The following SCFD1 variants were observed in gnomAD, a reference collection of about 807,000 sequenced individuals.
SCFD1 encodes the protein sec1 family domain-containing protein 1.
A neutral mutation model predicts 103.2 loss-of-function variants in SCFD1; 37 were observed. The observed-to-expected ratio is 0.36, with a 90% confidence interval of 0.28 to 0.47. The LOEUF is 0.47. Ranked by LOEUF, SCFD1 falls within the 20% of genes least tolerant of loss-of-function variation. The pLI is 1.00. For missense variants in SCFD1, 639 were observed against 761.2 expected (o/e 0.84, Z 1.89); for synonymous variants, 264 against 245.0 (o/e 1.08, Z -0.73).
At chr14:30,674,932 A>G (rs528573405) in intron 13 of SCFD1, 52 bp from the exon 14 acceptor site, 8 of 1,092,132 alleles carry the variant, frequency 7.3e-6, no homozygotes, top group East Asian at 2.5e-5. Flanking sequence ...GATAAAGTCT[A>G]TGTCATTTTA....
intron 10 of SCFD1, among the ~76,000 whole-genome samples, chr14:30,660,441 A>G (rs1034776326): frequency 6.6e-6 from 1 of 152,106 alleles, no homozygotes; most frequent in Non-Finnish European, 1.5e-5. Flanking sequence ...GAACAGATTG[A>G]TCAGTAGTTT....
chr14:30,695,413 C>T (rs115761031), intron 15 of SCFD1, among the ~76,000 whole-genome samples: 61 of 151,968 alleles, frequency 4.0e-4, no homozygotes, highest in Middle Eastern at 3.4e-3. Context: ...AGAAGCCAGG[C>T]GCAGAAAGAC....
chr14:30,654,098 A>G (rs375949542), intron 10 of SCFD1: 3 of 152,912 alleles, frequency 2.0e-5, no homozygotes, highest in African/African-American at 7.2e-5. Context: ...TTTAGCTGCT[A>G]AGTGTTGTGT....
intron 5 of SCFD1, 94 bp downstream of exon 5, chr14:30,638,341 T>A: frequency 1.3e-5 from 20 of 1,546,806 alleles, no homozygotes; most frequent in Non-Finnish European, 1.7e-5. Context: ...ATTTGACAGA[T>A]GACCAGAACA....
At chr14:30,720,607 AT>A (rs1302597961) in intron 21 of SCFD1, among the ~76,000 whole-genome samples, 1 of 151,958 alleles carries the variant, frequency 6.6e-6, no homozygotes, top group East Asian at 1.9e-4. Context: ...TGTACACACT[AT>A]TTTTTTCTTG....
chr14:30,710,910 G>A (rs1891825623), intron 19 of SCFD1, among the ~76,000 whole-genome samples: 1 of 152,136 alleles, frequency 6.6e-6, no homozygotes, highest in African/African-American at 2.4e-5. Context: ...TGAATAAACA[G>A]TTTAAACTAT....
In SCFD1 at chr14:30,643,400, C is replaced by T. The variant is rs1459319965; in HGVS notation, c.608C>T (p.Thr203Ile). 2 of 1,607,772 alleles carry T rather than the reference C, an allele frequency of 1.2e-6. No homozygotes were observed. Among genetic ancestry groups the T allele is most frequent in the Non-Finnish European group, 1.7e-6 (2 of 1,174,502 alleles). ...IVDSLFCFFV[T>I]LGAVPIIRCS... is the part of the protein sequence containing the mutation. Reference sequence around the variant, plus strand: ...GACAGCCTCTTCTGCTTTTTTGTTACTCTGGGTAAGTTTTCCAGTCTTTCT... The same window carrying T: ...GACAGCCTCTTCTGCTTTTTTGTTATTCTGGGTAAGTTTTCCAGTCTTTCT... The change falls in exon 7 of 25, where the codon ACT becomes ATT. Residue 203 changes from threonine to isoleucine, a missense_variant. Coordinates refer to ENST00000458591, the MANE Select transcript of SCFD1 (RefSeq NM_016106.4).
At chr14:30,702,424 T>C in intron 17 of SCFD1, 49 bp downstream of exon 17, 1 of 1,154,620 alleles carries the variant, frequency 8.7e-7, no homozygotes. Context: ...AGAGTACAAT[T>C]GAGGCTTCAT....
intron 14 of SCFD1, among the ~76,000 whole-genome samples, chr14:30,694,082 A>C (rs1890513804): frequency 6.6e-6 from 1 of 152,206 alleles, no homozygotes; most frequent in South Asian, 2.1e-4. Context: ...CAAAAAGGAC[A>C]ATAATTTAGT....
chr14:30,661,807 T>A lies in SCFD1; in HGVS notation c.855+8219T>A, dbSNP rs994848846. ...CTTTAACATTTTCTCTTGTGGAAAT[T>A]AGTTTTAGGGATGAGCTTTGAAAAA... On this transcript the variant is annotated intron_variant, in intron 10 of 24. Coordinates refer to ENST00000458591, the MANE Select transcript of SCFD1 (RefSeq NM_016106.4). Among the ~76,000 whole-genome samples the A allele has an allele frequency of 2.0e-5, 3 of 152,176 alleles. No individual in the cohort carries two copies. In the East Asian group the frequency reaches 5.8e-4, roughly 29 times the overall value.
chr14:30,674,890 C>A (rs899267847), intron 13 of SCFD1, 94 bp from the exon 14 acceptor site: 5 of 622,192 alleles, frequency 8.0e-6, no homozygotes, highest in African/African-American at 3.8e-5. Context: ...TTTCACTGTT[C>A]TGAGTTTCCA....
In SCFD1 at chr14:30,694,833, G is replaced by A. The variant is rs747831081; in HGVS notation, c.1303G>A (p.Asp435Asn). Residue 435 changes from aspartate (D) to asparagine (N), a missense_variant, in exon 15 of 25, where the codon GAT becomes AAT. Transcript: ENST00000458591. ...EEKIMSKTTL[D>N]KSLLDIISDP... ...AAAAATAATGAGCAAAACTACTCTG[G>A]ATAAATCTCTTCTAGATATAATATC... The A allele has an allele frequency of 1.3e-6, 2 of 1,583,552 alleles. No individual in the cohort carries two copies. Among genetic ancestry groups the A allele is most frequent in the East Asian group, 2.3e-5 (1 of 43,586 alleles).
chr14:30,666,753 A>G (rs540472658), intron 10 of SCFD1, among the ~76,000 whole-genome samples: 5 of 152,228 alleles, frequency 3.3e-5, no homozygotes, highest in Admixed American at 1.3e-4. Flanking sequence ...ACAAACTACC[A>G]TCAGAGAATA....
chr14:30,657,259 A>G (rs1292266869), intron 10 of SCFD1, among the ~76,000 whole-genome samples: 2 of 152,166 alleles, frequency 1.3e-5, no homozygotes, highest in Non-Finnish European at 2.9e-5. Flanking sequence ...AGACACATGT[A>G]CAAATAATTG....
At chr14:30,709,701 G>C (rs1421505522) in intron 19 of SCFD1, among the ~76,000 whole-genome samples, 5 of 152,108 alleles carry the variant, frequency 3.3e-5, no homozygotes, top group African/African-American at 7.2e-5. Context: ...GGAAGTTTGG[G>C]CACATTAGAG....
intron 9 of SCFD1, among the ~76,000 whole-genome samples, chr14:30,650,996 A>G (rs1288676401): frequency 4.6e-5 from 7 of 152,082 alleles, no homozygotes; most frequent in African/African-American, 1.4e-4. Context: ...TTCTACCTTT[A>G]TTAATCTGAT....
intron 19 of SCFD1, among the ~76,000 whole-genome samples, chr14:30,711,241 A>T (rs1891846919): frequency 6.6e-6 from 1 of 152,070 alleles, no homozygotes. Context: ...TCCATAGATT[A>T]AAAAAAGACT....
chr14:30,643,455 A>G, intron 7 of SCFD1, 50 bp downstream of exon 7: 5 of 1,283,124 alleles, frequency 3.9e-6, no homozygotes, highest in African/African-American at 1.5e-5. Context: ...TTATTTAACA[A>G]GTAATTTTAA....
intron 10 of SCFD1, among the ~76,000 whole-genome samples, chr14:30,656,120 A>C (rs1451080877): frequency 6.6e-6 from 1 of 152,066 alleles, no homozygotes; most frequent in Non-Finnish European, 1.5e-5. Flanking sequence ...TGTCTCAAAA[A>C]AAAAAAAATG....
Sources: allele counts gnomAD v4.1 joint callset (sites outside exome capture counted in the v4.1 genomes callset), GRCh38; gene constraint gnomAD v4.1.1; transcripts MANE v1.5; gene names NCBI Gene and HGNC (gene_info 2026-07-23, HGNC 2026-07-21).